MLPH: variants seen among roughly 807,000 people sequenced by gnomAD.
MLPH encodes melanophilin, also known as exophilin-3.
In MLPH, 51 loss-of-function variants were observed where a neutral mutation model predicts 72.1. The ratio of observed to expected loss-of-function variants is 0.71; its 90% confidence interval spans 0.56 to 0.89. The LOEUF is 0.89. Among genes scored for constraint, MLPH ranks in the 40% least tolerant of loss-of-function variants. MLPH has a pLI of 0.00. For synonymous variants in MLPH, 301 were observed against 310.1 expected (o/e 0.97, Z 0.31); for missense variants, 743 against 759.9 (o/e 0.98, Z 0.26).
intron 2 of MLPH, among the ~76,000 whole-genome samples, chr2:237,502,430 C>T (rs1044663749): frequency 6.6e-6 from 1 of 152,148 alleles, no homozygotes; most frequent in Non-Finnish European, 1.5e-5. Flanking sequence ...CCTGGGCACC[C>T]TGGAGCTTGC....
chr2:237,551,665 G>A (rs982880482), intron 14 of MLPH, among the ~76,000 whole-genome samples: 15 of 152,304 alleles, frequency 9.8e-5, no homozygotes, highest in African/African-American at 3.6e-4. Context: ...CCCTTGGGCT[G>A]TTGCCGTGTC....
intron 9 of MLPH, 90 bp downstream of exon 9, chr2:237,534,737 G>C: frequency 5.5e-6 from 6 of 1,098,282 alleles, no homozygotes; most frequent in Non-Finnish European, 8.4e-6. Flanking sequence ...TGGGAGAAGA[G>C]TTTCTTGAGA....
At chr2:237,504,747 C>T (rs917421900) in intron 2 of MLPH, among the ~76,000 whole-genome samples, 2 of 152,144 alleles carry the variant, frequency 1.3e-5, no homozygotes, top group Admixed American at 6.5e-5. Flanking sequence ...ATCCAGCGAC[C>T]CCTCTAATCT....
rs74815149 is a variant in MLPH, at chr2:237,553,682, T to C, written c.*90T>C. On this transcript the variant is annotated 3_prime_UTR_variant, in exon 16 of 16. Transcript: ENST00000264605. ...CTCATTGGCTCTGTGCTTTCCACTA[T>C]ACACAGTCACCGTCCCAATGAGAAA... 13,859 of 1,548,822 alleles carry C rather than the reference T, an allele frequency of 8.9e-3. 76 individuals are homozygous for C. Among genetic ancestry groups the C allele is most frequent in the Non-Finnish European group, 0.011 (12,853 of 1,120,782 alleles).
chr2:237,529,390 T>A (rs2080372858), intron 8 of MLPH, among the ~76,000 whole-genome samples: 1 of 152,196 alleles, frequency 6.6e-6, no homozygotes, highest in African/African-American at 2.4e-5. Context: ...TCATAATACT[T>A]AACACCTGTT....
Position 237,487,368 on chromosome 2 carries a change from C to T in MLPH, c.-94C>T, listed in dbSNP as rs1173774607. The T allele has an allele frequency of 6.5e-6, 1 of 152,944 alleles. No homozygotes were observed. Among genetic ancestry groups the T allele is most frequent in the Non-Finnish European group, 1.5e-5 (1 of 68,612 alleles). The allele number at this position is 152,944 out of a possible 1,614,324, so 9.5% of individuals were successfully genotyped here. A position where few individuals can be genotyped will look rare whatever the true frequency, so the allele number is the denominator to read the frequency against. Reference sequence around the variant, plus strand: ...CCTGACCTGACGCCCTGGCCTGACGCCCTGCTTCGTCGCCTCCTTTCTCTC... The same window carrying T: ...CCTGACCTGACGCCCTGGCCTGACGTCCTGCTTCGTCGCCTCCTTTCTCTC... On this transcript the variant is annotated 5_prime_UTR_variant, in exon 1 of 16. Transcript: ENST00000264605.
At chr2:237,552,931 T>C (rs1408349445) in intron 15 of MLPH, among the ~76,000 whole-genome samples, 1 of 152,224 alleles carries the variant, frequency 6.6e-6, no homozygotes, top group Non-Finnish European at 1.5e-5. Context: ...CACACCCAAG[T>C]GTGTGTGTTA....
intron 5 of MLPH, among the ~76,000 whole-genome samples, chr2:237,518,927 C>T (rs972013397): frequency 2.0e-5 from 3 of 152,078 alleles, no homozygotes; most frequent in Non-Finnish European, 2.9e-5. Flanking sequence ...TGGGGGCACA[C>T]GGGTGTAGTG....
intron 12 of MLPH, among the ~76,000 whole-genome samples, chr2:237,545,216 T>TGA (rs1553602701): frequency 2.4e-5 from 1 of 42,432 alleles, no homozygotes; most frequent in South Asian, 9.8e-4. Flanking sequence ...CAGTGGTGAG[T>TGA]GGGGACAGTG....
Position 237,546,796 on chromosome 2 carries a change from A to G in MLPH, c.1617+113A>G, listed in dbSNP as rs924685480. 2.1e-5 allele frequency: 18 copies of G among 876,664 alleles called. No individual in the cohort carries two copies. The African/African-American group carries it at 3.0e-4, about 15-fold the overall frequency. The allele number at this position is 876,664 out of a possible 1,614,324, so 54.3% of individuals were successfully genotyped here. On this transcript the variant is annotated intron_variant, in intron 13 of 15. Transcript: ENST00000264605. ...GCAGAGATGCAATGTCCTCACAGCTACCCACACAGCAATGCCCACACAGCT... is the reference window on the plus strand; with the variant it reads ...GCAGAGATGCAATGTCCTCACAGCTGCCCACACAGCAATGCCCACACAGCT...
At position 237,552,999 on chromosome 2, in the gene MLPH, G is replaced by A. The variant is rs192636489; in HGVS notation, c.1776+562G>A. ...AGTGCACTCCACAGAGTGGGAGCAG[G>A]CTAGAGCCAGTGGCTCAGGAGCCTG... On this transcript the variant is annotated intron_variant, in intron 15 of 15. Coordinates refer to ENST00000264605, the MANE Select transcript of MLPH (RefSeq NM_024101.7). 652 of 441,738 alleles carry A rather than the reference G, an allele frequency of 1.5e-3. 12 individuals carry two copies. Among genetic ancestry groups the A allele is most frequent in the African/African-American group, 5.6e-3 (276 of 49,208 alleles). The allele number at this position is 441,738 out of a possible 1,614,324, so 27.4% of individuals were successfully genotyped here.
At chr2:237,497,317 G>C (rs2079555917) in intron 2 of MLPH, among the ~76,000 whole-genome samples, 1 of 152,254 alleles carries the variant, frequency 6.6e-6, no homozygotes, top group South Asian at 2.1e-4. Flanking sequence ...TAAACAGTGT[G>C]GTGGCAGAGG....
At chr2:237,499,653 A>G (rs2079605896) in intron 2 of MLPH, among the ~76,000 whole-genome samples, 1 of 152,280 alleles carries the variant, frequency 6.6e-6, no homozygotes, top group Non-Finnish European at 1.5e-5. Context: ...CAATGAAAAT[A>G]ATGATAGAAA....
At chr2:237,501,164 C>T (rs959644761) in intron 2 of MLPH, among the ~76,000 whole-genome samples, 1 of 152,174 alleles carries the variant, frequency 6.6e-6, no homozygotes, top group Non-Finnish European at 1.5e-5. Flanking sequence ...CTGCCGGCAT[C>T]TAAGCCCCAT....
chr2:237,498,242 C>A (rs928897155), intron 2 of MLPH, among the ~76,000 whole-genome samples: 1 of 152,182 alleles, frequency 6.6e-6, no homozygotes, highest in Non-Finnish European at 1.5e-5. Context: ...CACCAATTAT[C>A]AAACCAAAGA....
intron 2 of MLPH, among the ~76,000 whole-genome samples, chr2:237,509,057 G>A (rs1452568901): frequency 6.6e-6 from 1 of 152,208 alleles, no homozygotes; most frequent in Non-Finnish European, 1.5e-5. Context: ...CACTCCTCAG[G>A]ATCGGAAGCT....
rs2080987246 is a variant in MLPH, at chr2:237,549,408, A to G, written c.1675+130A>G. 3.1e-6 allele frequency: 3 copies of G among 957,060 alleles called. No homozygotes were observed. The Admixed American group carries it at 5.1e-5, about 16-fold the overall frequency. The allele number at this position is 957,060 out of a possible 1,614,324, so 59.3% of individuals were successfully genotyped here. A position where few individuals can be genotyped will look rare whatever the true frequency, so the allele number is the denominator to read the frequency against. ...TATCTCATGTCCTGACTCCCAAAAAACATTCCCAGTGCCGCTCGGGCCACC... is the reference window on the plus strand; with the variant it reads ...TATCTCATGTCCTGACTCCCAAAAAGCATTCCCAGTGCCGCTCGGGCCACC... On this transcript the variant is annotated intron_variant, in intron 14 of 15. Coordinates refer to ENST00000264605, the MANE Select transcript of MLPH (RefSeq NM_024101.7).
rs115435272 is a variant in MLPH at position 237,511,193 on chromosome 2, C to T, written c.445+92C>T. On this transcript the variant is annotated intron_variant, in intron 4 of 15. Coordinates refer to ENST00000264605, the MANE Select transcript of MLPH (RefSeq NM_024101.7). ...TTTGGAGTGTGCATGTGTGTGTGTACGTGTGTGTGTGCATGTGTGTGTGCA... is the reference window on the plus strand; with the variant it reads ...TTTGGAGTGTGCATGTGTGTGTGTATGTGTGTGTGTGCATGTGTGTGTGCA... The T allele has an allele frequency of 1.5e-3, 1,413 of 949,382 alleles. 5 individuals are homozygous for T. Among genetic ancestry groups the T allele is most frequent in the African/African-American group, 0.013 (770 of 61,336 alleles). 58.8% of individuals were successfully genotyped at this position (949,382 alleles called of 1,614,324 possible).
At chr2:237,517,761 A>T (rs906703481) in intron 4 of MLPH, among the ~76,000 whole-genome samples, 2 of 123,112 alleles carry the variant, frequency 1.6e-5, no homozygotes, top group African/African-American at 7.4e-5. Flanking sequence ...GGATGGATGG[A>T]TGGATAAGTA....
Sources: gnomAD v4.1 joint callset for allele counts (sites outside exome capture counted in the v4.1 genomes callset) on GRCh38, gnomAD v4.1.1 for gene constraint, MANE v1.5 for transcripts, NCBI Gene and HGNC (gene_info 2026-07-23, HGNC 2026-07-21) for gene names.